TMTC1: variants seen among roughly 807,000 people sequenced by gnomAD.
TMTC1 encodes transmembrane O-mannosyltransferase targeting cadherins 1.
TMTC1 carries 73 observed loss-of-function variants against 104.8 expected under a neutral mutation model. That is an observed-to-expected ratio of 0.70 (90% confidence interval 0.58 to 0.85). TMTC1 has a LOEUF of 0.85. Ranked by LOEUF, TMTC1 falls within the 40% of genes least tolerant of loss-of-function variation. The pLI is 0.00. For synonymous variants in TMTC1, 434 were observed against 428.7 expected (o/e 1.01, Z -0.15); for missense variants, 1,035 against 1,096.1 (o/e 0.94, Z 0.79).
chr12:29,755,695 G>T lies in TMTC1; in HGVS notation c.731+14C>A, dbSNP rs1251260978. 3 of 1,607,350 alleles carry T rather than the reference G, an allele frequency of 1.9e-6. No homozygotes were observed. The African/African-American group carries it at 4.0e-5, about 21-fold the overall frequency. ...TGACATGCCATTTGATATCAAAACT[G>T]TAAAATGACTTACGACTTGTCTTGC... On this transcript the variant is annotated intron_variant, in intron 4 of 17. Transcript: ENST00000539277.
At chr12:29,578,500 TAGAG>T (rs759156766) in intron 8 of TMTC1, among the ~76,000 whole-genome samples, 9 of 152,146 alleles carry the variant, frequency 5.9e-5, no homozygotes, top group South Asian at 2.1e-4. Context: ...ATTTATTCCA[TAGAG>T]AAATACAATA....
intron 7 of TMTC1, among the ~76,000 whole-genome samples, chr12:29,602,673 A>G (rs371951505): frequency 2.3e-4 from 35 of 152,346 alleles, no homozygotes; most frequent in African/African-American, 7.9e-4. Context: ...TAAAAATGCA[A>G]TAAAATTTTG....
At chr12:29,762,685 GAC>G (rs1181003681) in intron 2 of TMTC1, among the ~76,000 whole-genome samples, 1 of 152,220 alleles carries the variant, frequency 6.6e-6, no homozygotes, top group African/African-American at 2.4e-5. Flanking sequence ...GCTATTACCT[GAC>G]GTGGCTGCTT....
At position 29,686,387 on chromosome 12, in the gene TMTC1, A is replaced by T. The variant is rs79272211; in HGVS notation, c.939-53051T>A. On this transcript the variant is annotated intron_variant, in intron 5 of 17. Transcript: ENST00000539277. ...CACATACTACATGCCAGTGCACCCA[A>T]AGGATAGTGTGCTGGTAAACTGGTT... 3.2e-3 allele frequency among the ~76,000 whole-genome samples: 489 copies of T among 152,300 alleles called. 1 individual carries two copies. Among genetic ancestry groups the T allele is most frequent in the African/African-American group, 0.011 (474 of 41,566 alleles).
intron 6 of TMTC1, among the ~76,000 whole-genome samples, chr12:29,625,250 T>C (rs1175073177): frequency 6.6e-6 from 1 of 152,206 alleles, no homozygotes; most frequent in African/African-American, 2.4e-5. Flanking sequence ...GTTTACTGCC[T>C]CAGATTCAAA....
rs201076112 is a variant in TMTC1 at position 29,516,442 on chromosome 12, C to T, written c.2214G>A (p.Lys738=). The change falls in exon 15 of 18, where the codon AAG becomes AAA. Residue 738 remains lysine (K), a synonymous_variant. Transcript: ENST00000539277. The stretch of plus-strand genomic sequence containing the variant: ...CCTCTGACACAATGTGATTGGTCAT[C>T]TTTTCAGCTTCTTTTGTCTGACCCA... ...AVMGQTKEAE[K]MTNHIVSEET... 6.2e-5 allele frequency: 100 copies of T among 1,613,902 alleles called. 1 individual carries two copies. Among genetic ancestry groups the T allele is most frequent in the Non-Finnish European group, 8.4e-5 (99 of 1,179,960 alleles).
chr12:29,680,198 G>A (rs1359827518), intron 5 of TMTC1, among the ~76,000 whole-genome samples: 1 of 152,080 alleles, frequency 6.6e-6, no homozygotes, highest in East Asian at 1.9e-4. Flanking sequence ...AATTTGAATA[G>A]AAAACATCAG....
intron 5 of TMTC1, among the ~76,000 whole-genome samples, chr12:29,675,630 A>ACACACC (rs1555185783): frequency 0.016 from 1,497 of 94,914 alleles, 15 homozygotes; most frequent in East Asian, 0.036. Context: ...ACACACACAC[A>ACACACC]CCCTCCATGA....
chr12:29,524,452 G>A (rs1258301149), intron 11 of TMTC1, among the ~76,000 whole-genome samples: 1 of 152,144 alleles, frequency 6.6e-6, no homozygotes, highest in Non-Finnish European at 1.5e-5. Context: ...ACAATCTAGA[G>A]TAATTTTATT....
chr12:29,577,233 T>C (rs2136313981), intron 8 of TMTC1, among the ~76,000 whole-genome samples: 1 of 152,322 alleles, frequency 6.6e-6, no homozygotes, highest in East Asian at 1.9e-4. Context: ...GATCAGCATC[T>C]ATCTTGTGCT....
At chr12:29,531,781 C>A (rs1294785633) in intron 11 of TMTC1, among the ~76,000 whole-genome samples, 1 of 152,164 alleles carries the variant, frequency 6.6e-6, no homozygotes, top group Non-Finnish European at 1.5e-5. Context: ...TATCAACTTT[C>A]TTCTGGACAT....
chr12:29,778,150 C>T (rs1451404540), intron 1 of TMTC1, among the ~76,000 whole-genome samples: 1 of 152,132 alleles, frequency 6.6e-6, no homozygotes, highest in African/African-American at 2.4e-5. Context: ...GTTTATATTA[C>T]CATCAGAAGC....
chr12:29,518,005 G>A (rs1033118593), intron 13 of TMTC1, among the ~76,000 whole-genome samples: 2 of 152,226 alleles, frequency 1.3e-5, no homozygotes, highest in East Asian at 1.9e-4. Context: ...ATGAGCCACC[G>A]CACCTGGCCA....
At chr12:29,623,869 T>C (rs1280822743) in intron 6 of TMTC1, among the ~76,000 whole-genome samples, 2 of 148,220 alleles carry the variant, frequency 1.3e-5, no homozygotes, top group South Asian at 4.2e-4. Flanking sequence ...AAGCAAGATA[T>C]GCATGTCTTA....
Position 29,704,605 on chromosome 12 carries a change from C to T in TMTC1, c.938+47061G>A, listed in dbSNP as rs111612675. On this transcript the variant is annotated intron_variant, in intron 5 of 17. Transcript: ENST00000539277. Reference sequence around the variant, plus strand: ...AGTGTATTAGAGGCCTAATCTAATACACTGAAATTTAATTGGACAATTTTT... The same window carrying T: ...AGTGTATTAGAGGCCTAATCTAATATACTGAAATTTAATTGGACAATTTTT... Among the ~76,000 whole-genome samples, 9 of 152,270 alleles carry T rather than the reference C, an allele frequency of 5.9e-5. 1 individual carries two copies. Among genetic ancestry groups the T allele is most frequent in the East Asian group, 3.9e-4 (2 of 5,170 alleles).
At chr12:29,570,881 A>ACTCCC (rs1945652278) in intron 9 of TMTC1, among the ~76,000 whole-genome samples, 2 of 31,310 alleles carry the variant, frequency 6.4e-5, no homozygotes, top group Non-Finnish European at 1.6e-4. Flanking sequence ...AAACAGAAAC[A>ACTCCC]CCCCCCCCCC....
intron 5 of TMTC1, among the ~76,000 whole-genome samples, chr12:29,663,029 T>C (rs1199459364): frequency 1.3e-5 from 2 of 152,210 alleles, no homozygotes; most frequent in Admixed American, 6.5e-5. Flanking sequence ...CCCACGGGGA[T>C]AGCTACTGTC....
intron 10 of TMTC1, among the ~76,000 whole-genome samples, chr12:29,536,536 C>T (rs182963804): frequency 1.6e-4 from 25 of 152,320 alleles, no homozygotes; most frequent in Admixed American, 1.6e-3. Flanking sequence ...GTAAATTACG[C>T]TTCAGGTTAT....
chr12:29,682,656 C>T (rs574863633), intron 5 of TMTC1, among the ~76,000 whole-genome samples: 3 of 152,312 alleles, frequency 2.0e-5, no homozygotes, highest in African/African-American at 7.2e-5. Context: ...TAAGAGACCA[C>T]ATAATGTATG....
Sources: gnomAD v4.1 joint callset for allele counts (sites outside exome capture counted in the v4.1 genomes callset) on GRCh38, gnomAD v4.1.1 for gene constraint, MANE v1.5 for transcripts, NCBI Gene and HGNC (gene_info 2026-07-23, HGNC 2026-07-21) for gene names.